EPHB4: variants seen among roughly 807,000 people sequenced by gnomAD.
EPHB4 encodes the protein EPH receptor B4, also known as ephrin type-B receptor 4.
Under a neutral mutation model 110.6 loss-of-function variants are expected in EPHB4, and 50 were observed. The observed-to-expected ratio is 0.45, with a 90% CI of 0.36 to 0.57. EPHB4 has a LOEUF of 0.57. Ranked by LOEUF, EPHB4 falls within the 20% of genes least tolerant of loss-of-function variation. The probability of loss-of-function intolerance (pLI) is 0.00; values close to 1 mark genes in which losing one functional copy is unlikely to be tolerated. For synonymous variants in EPHB4, 592 were observed against 578.4 expected (o/e 1.02, Z -0.34); for missense variants, 1,128 against 1,382.1 (o/e 0.82, Z 2.91).
At position 100,805,646 on chromosome 7, in the gene EPHB4, A is replaced by G. The variant is rs1584653054; in HGVS notation, c.2533T>C (p.Cys845Arg). Residue 845 changes from cysteine to arginine, a missense_variant, in exon 15 of 17, where the codon TGT becomes CGT. Coordinates refer to ENST00000358173, the MANE Select transcript of EPHB4 (RefSeq NM_004444.5). Reference sequence around the variant, plus strand: ...ATGAGCTGGTGGAGGGAGGTGGGACAGTCTGGGGGCGGGGGCAGCCGGTAG... The same window carrying G: ...ATGAGCTGGTGGAGGGAGGTGGGACGGTCTGGGGGCGGGGGCAGCCGGTAG... ...QDYRLPPPPD[C>R]PTSLHQLMLD... The G allele has an allele frequency of 6.5e-7, 1 of 1,542,098 alleles. No homozygotes were observed.
Position 100,818,592 on chromosome 7 carries a change from C to T in EPHB4, c.1350G>A (p.Leu450=). Residue 450 remains leucine, a synonymous_variant, in exon 7 of 17, where the codon TTG becomes TTA. Transcript: ENST00000358173. ...IRVTRSSPSS[L]SLAWAVPRAP... is the part of the protein sequence containing the mutation. ...CCCGGGGAACAGCCCAGGCCAGGCTCAAGCTGCTGGGTGAGGACCGCGTCA... is the reference window on the plus strand; with the variant it reads ...CCCGGGGAACAGCCCAGGCCAGGCTTAAGCTGCTGGGTGAGGACCGCGTCA... 2 of 1,613,662 alleles carry T rather than the reference C, an allele frequency of 1.2e-6. No homozygotes were observed. The highest frequency in any genetic ancestry group is 2.2e-5 in the South Asian group (2 of 91,084).
chr7:100,806,551 G>C lies in EPHB4; in HGVS notation c.2353C>G (p.Arg785Gly). ...GCAATGGCCTCCGGGGCAGTCCATC[G>C]GATGGGAATCTTTCCTCCCTGCAGA... is the stretch of plus-strand genomic sequence containing the variant. Reference protein sequence around the residue: ...TSSLGGKIPIRWTAPEAIAFR... With the variant: ...TSSLGGKIPIGWTAPEAIAFR... Residue 785 changes from arginine to glycine, a missense_variant, in exon 14 of 17, where the codon CGA (arginine) becomes GGA (glycine). Arg to Gly is a moderately radical substitution (Grantham distance 125). Around this residue, in one of 3 missense-constraint regions of EPHB4, gnomAD observed 191 missense variants for 313.0 expected, o/e 0.61. Transcript: ENST00000358173. The C allele has an allele frequency of 6.2e-7, 1 of 1,613,814 alleles. No individual in the cohort carries two copies. Among genetic ancestry groups the C allele is most frequent in the African/African-American group, 1.3e-5 (1 of 75,036 alleles).
chr7:100,806,120 G>A (rs190859304), intron 14 of EPHB4: 151 of 252,870 alleles, frequency 6.0e-4, no homozygotes, highest in African/African-American at 3.0e-3. Flanking sequence ...CCATCATGCT[G>A]GGCTAATTTT....
chr7:100,806,301 T>C lies in EPHB4; in HGVS notation c.2484+119A>G, dbSNP rs1812815906. On this transcript the variant is annotated intron_variant, in intron 14 of 16. Coordinates refer to ENST00000358173, the MANE Select transcript of EPHB4 (RefSeq NM_004444.5). Reference sequence around the variant, plus strand: ...TGATACAAAGATCAATTCTCCTTTTTGTCATCTCCATGGTCTCAAGAACCC... The same window carrying C: ...TGATACAAAGATCAATTCTCCTTTTCGTCATCTCCATGGTCTCAAGAACCC... 4.8e-6 allele frequency: 6 copies of C among 1,239,622 alleles called. No individual in the cohort carries two copies. The South Asian group carries it at 7.8e-5, about 16-fold the overall frequency. 76.8% of individuals were successfully genotyped at this position (1,239,622 alleles called of 1,614,324 possible). A position where few individuals can be genotyped will look rare whatever the true frequency, so the allele number is the denominator to read the frequency against.
At chr7:100,805,730 C>A in intron 14 of EPHB4, 36 bp from the exon 15 acceptor site, 1 of 1,396,892 alleles carries the variant, frequency 7.2e-7, no homozygotes, top group Admixed American at 2.8e-5. Flanking sequence ...GTGAGGCTGT[C>A]CAGGAAAAGC....
chr7:100,805,215 C>T lies in EPHB4; in HGVS notation c.2785G>A (p.Ala929Thr), dbSNP rs774821339. The T allele has an allele frequency of 1.1e-5, 17 of 1,613,012 alleles. No homozygotes were observed. The highest frequency in any genetic ancestry group is 7.7e-5 in the South Asian group (7 of 90,836). ...TCGAAGGAGCCAAAGCCAGCGGCTG[C>T]GAAACTTTCTTCGTATCTTCCCATT... Reference protein sequence around the residue: ...IKMGRYEESFAAAGFGSFELV... With the variant: ...IKMGRYEESFTAAGFGSFELV... The change falls in exon 16 of 17, where the codon GCA (alanine) becomes ACA (threonine). Residue 929 changes from alanine to threonine, a missense_variant. This residue lies in a region of EPHB4 where 209 missense variants were observed against 240.5 expected (regional missense o/e 0.87). Coordinates refer to ENST00000358173, the MANE Select transcript of EPHB4 (RefSeq NM_004444.5).
intron 12 of EPHB4, among the ~76,000 whole-genome samples, chr7:100,807,984 C>T (rs534894442): frequency 6.6e-6 from 1 of 152,230 alleles, no homozygotes; most frequent in South Asian, 2.1e-4. Flanking sequence ...TCACAACTCA[C>T]CTGTAGGGCA....
rs1001919135 is a variant in EPHB4, at chr7:100,802,583, C to A, written c.*878G>T. ...CCCCATCACCCCTGGAGCTGGGACA[C>A]GTCCCATTTTCTTTTATTTATACAA... is the stretch of plus-strand genomic sequence containing the variant. On this transcript the variant is annotated 3_prime_UTR_variant, in exon 17 of 17. Coordinates refer to ENST00000358173, the MANE Select transcript of EPHB4 (RefSeq NM_004444.5). 6.6e-6 allele frequency: 1 copy of A among 152,174 alleles called. No homozygotes were observed. 9.4% of individuals were successfully genotyped at this position (152,174 alleles called of 1,614,324 possible).
At chr7:100,820,700 A>T (rs1337211822) in intron 4 of EPHB4, among the ~76,000 whole-genome samples, 1 of 152,190 alleles carries the variant, frequency 6.6e-6, no homozygotes, top group African/African-American at 2.4e-5. Context: ...AATACCAGGG[A>T]AACCAATTAA....
In EPHB4 at chr7:100,803,375, G is replaced by A. The variant is rs1026876534; in HGVS notation, c.*86C>T. 133 of 1,346,644 alleles carry A rather than the reference G, an allele frequency of 9.9e-5. No homozygotes were observed. Among genetic ancestry groups the A allele is most frequent in the Non-Finnish European group, 1.2e-4 (119 of 1,031,010 alleles). The allele number at this position is 1,346,644 out of a possible 1,614,324, so 83.4% of individuals were successfully genotyped here. A position where few individuals can be genotyped will look rare whatever the true frequency, so the allele number is the denominator to read the frequency against. On this transcript the variant is annotated 3_prime_UTR_variant, in exon 17 of 17. Transcript: ENST00000358173. ...ACGGGCTCAAAGTGCAATCCAGCGG[G>A]GCACAGGGCTGGGGGCCTCTGTGAG... is the stretch of plus-strand genomic sequence containing the variant.
intron 8 of EPHB4, among the ~76,000 whole-genome samples, chr7:100,815,346 C>A (rs1244716790): frequency 6.6e-6 from 1 of 151,826 alleles, no homozygotes; most frequent in Non-Finnish European, 1.5e-5. Context: ...AAACAAACCA[C>A]AACCAAAAAA....
Position 100,824,209 on chromosome 7 carries a change from G to A in EPHB4, c.117C>T (p.Asp39=), listed in dbSNP as rs767647709. ...DLKWVTFPQV[D]GQWEELSGLD... ...TCCTGGGTGCAGCTCTCACCTGCCC[G>A]TCCACCTGAGGGAATGTCACCCACT... Residue 39 remains aspartate (D), a synonymous_variant, in exon 2 of 17, where the codon GAC becomes GAT. Transcript: ENST00000358173. 2.5e-5 allele frequency: 41 copies of A among 1,613,932 alleles called. No homozygotes were observed. The highest frequency in any genetic ancestry group is 2.0e-4 in the East Asian group (9 of 44,892).
chr7:100,803,629 C>A, intron 16 of EPHB4, 39 bp from the exon 17 acceptor site: 2 of 1,557,048 alleles, frequency 1.3e-6, no homozygotes, highest in Non-Finnish European at 1.8e-6. Context: ...ACCCTAGGTT[C>A]CCTGTGGCCG....
chr7:100,811,797 GA>G lies in EPHB4; in HGVS notation c.2118+949del, dbSNP rs377365870. Among the ~76,000 whole-genome samples the G allele has an allele frequency of 1.8e-4, 27 of 151,810 alleles. No homozygotes were observed. The East Asian group carries it at 4.1e-3, about 23-fold the overall frequency. ...AGGCGGGAGGATCACTTGAGCCCAG[GA>G]GGTCAAGGCTACAGTGAGCTATGAA... On this transcript the variant is annotated intron_variant, in intron 12 of 16. Coordinates refer to ENST00000358173, the MANE Select transcript of EPHB4 (RefSeq NM_004444.5).
intron 1 of EPHB4, 96 bp from the exon 2 acceptor site, chr7:100,824,369 G>T: frequency 7.5e-7 from 1 of 1,328,644 alleles, no homozygotes; most frequent in Non-Finnish European, 1.1e-6. Context: ...GATCCTCTTA[G>T]CTCTGAGCTA....
At chr7:100,811,846 G>C (rs1323574055) in intron 12 of EPHB4, among the ~76,000 whole-genome samples, 1 of 150,678 alleles carries the variant, frequency 6.6e-6, no homozygotes. Context: ...CTCCAGCCTA[G>C]AGGACAGAGT....
intron 12 of EPHB4, among the ~76,000 whole-genome samples, chr7:100,811,641 G>A (rs1187299347): frequency 6.6e-6 from 1 of 152,016 alleles, no homozygotes; most frequent in African/African-American, 2.4e-5. Flanking sequence ...AGGCTGAGGA[G>A]GGAGGCTCGC....
At chr7:100,815,818 C>T (rs758756187) in intron 8 of EPHB4, among the ~76,000 whole-genome samples, 5 of 151,938 alleles carry the variant, frequency 3.3e-5, no homozygotes, top group Non-Finnish European at 7.4e-5. Context: ...GAAACTGTCT[C>T]AACAAAACAT....
chr7:100,810,864 TC>T (rs1472115578), intron 12 of EPHB4, among the ~76,000 whole-genome samples: 1 of 152,140 alleles, frequency 6.6e-6, no homozygotes, highest in Non-Finnish European at 1.5e-5. Context: ...AACGTGAAAA[TC>T]AACTGGGTAT....
Sources: allele counts gnomAD v4.1 joint callset (sites outside exome capture counted in the v4.1 genomes callset), GRCh38; gene constraint gnomAD v4.1.1; regional missense constraint gnomAD v4.1.1; transcripts MANE v1.5; gene names NCBI Gene and HGNC (gene_info 2026-07-23, HGNC 2026-07-21).